The following RAB4A variants were observed in gnomAD, a reference collection of about 807,000 sequenced individuals.
RAB4A encodes the protein RAB4A, member RAS oncogene family.
RAB4A carries 20 observed loss-of-function variants against 34.5 expected under a neutral mutation model. The observed-to-expected ratio is 0.58, with a 90% confidence interval of 0.41 to 0.84. The LOEUF (loss-of-function observed/expected upper bound fraction) is 0.84. Among genes scored for constraint, RAB4A ranks in the 40% least tolerant of loss-of-function variants. The pLI, the probability that RAB4A is intolerant of heterozygous loss-of-function variation, is 0.00. For missense variants in RAB4A, 228 were observed against 274.5 expected, an observed-to-expected ratio of 0.83 and a Z score of 1.20; for synonymous variants, 102 against 100.0, an observed-to-expected ratio of 1.02 and a Z score of -0.12.
intron 1 of RAB4A, among the ~76,000 whole-genome samples, chr1:229,283,187 C>T (rs1656820183): frequency 6.6e-6 from 1 of 152,196 alleles, no homozygotes; most frequent in Non-Finnish European, 1.5e-5. Context: ...CATCTTGTTA[C>T]TGCTGCTGGG....
At chr1:229,293,230 C>T (rs1478653822) in intron 3 of RAB4A, among the ~76,000 whole-genome samples, 1 of 152,182 alleles carries the variant, frequency 6.6e-6, no homozygotes, top group East Asian at 1.9e-4. Context: ...TCTCTGACCC[C>T]CATCCTTTTG....
intron 3 of RAB4A, among the ~76,000 whole-genome samples, chr1:229,292,472 A>G (rs1450508349): frequency 6.6e-6 from 1 of 152,172 alleles, no homozygotes; most frequent in African/African-American, 2.4e-5. Flanking sequence ...GCCTCTTAAT[A>G]GATGTGAACA....
chr1:229,300,006 T>G lies in RAB4A; in HGVS notation c.541+934T>G, dbSNP rs190540710. On this transcript the variant is annotated intron_variant, in intron 6 of 7. Coordinates refer to ENST00000366690, the MANE Select transcript of RAB4A (RefSeq NM_004578.4). ...AAGAGGGAATAGCAGGAGAAAAGGTTGAAGAAAGGCAGGAGCCAGCCAGTC... is the reference window on the plus strand; with the variant it reads ...AAGAGGGAATAGCAGGAGAAAAGGTGGAAGAAAGGCAGGAGCCAGCCAGTC... 5.9e-5 allele frequency among the ~76,000 whole-genome samples: 9 copies of G among 152,188 alleles called. No individual in the cohort carries two copies. The East Asian group carries it at 1.7e-3, about 29-fold the overall frequency.
At chr1:229,283,592 T>C (rs1263685708) in intron 1 of RAB4A, among the ~76,000 whole-genome samples, 7 of 152,164 alleles carry the variant, frequency 4.6e-5, no homozygotes, top group Non-Finnish European at 1.0e-4. Context: ...TGCCAGCTTG[T>C]TCTGCTCCAA....
At chr1:229,298,954 A>G in intron 5 of RAB4A, 23 bp from the exon 6 acceptor site, 1 of 1,552,728 alleles carries the variant, frequency 6.4e-7, no homozygotes, top group Middle Eastern at 1.7e-4. Flanking sequence ...ACATGACTTT[A>G]TTTTGTTTGA....
At position 229,271,303 on chromosome 1, in the gene RAB4A, A is replaced by G; in HGVS notation, c.-37A>G. Reference sequence around the variant, plus strand: ...GCGCCGGCGGACCGCGGGCGAGTGCAGCCGGTGACCCGGCGAGAGGCGGCG... The same window carrying G: ...GCGCCGGCGGACCGCGGGCGAGTGCGGCCGGTGACCCGGCGAGAGGCGGCG... On this transcript the variant is annotated 5_prime_UTR_variant, in exon 1 of 8. Transcript: ENST00000366690. 1 of 1,328,608 alleles carries G rather than the reference A, an allele frequency of 7.5e-7. No individual in the cohort carries two copies. The highest frequency in any genetic ancestry group is 9.6e-7 in the Non-Finnish European group (1 of 1,038,146). The allele number at this position is 1,328,608 out of a possible 1,614,324, so 82.3% of individuals were successfully genotyped here. A position where few individuals can be genotyped will look rare whatever the true frequency, so the allele number is the denominator to read the frequency against.
intron 1 of RAB4A, among the ~76,000 whole-genome samples, chr1:229,274,128 C>G (rs572100712): frequency 6.8e-6 from 1 of 146,894 alleles, no homozygotes; most frequent in East Asian, 2.0e-4. Flanking sequence ...TCACGGCTCA[C>G]TGCCACCTCC....
intron 1 of RAB4A, among the ~76,000 whole-genome samples, chr1:229,281,142 C>T (rs1656767173): frequency 6.6e-6 from 1 of 152,070 alleles, no homozygotes; most frequent in South Asian, 2.1e-4. Context: ...AGATGAATGT[C>T]TAGGAGTGCA....
At position 229,272,964 on chromosome 1, in the gene RAB4A, C is replaced by T. The variant is rs1328831736; in HGVS notation, c.31+1594C>T. ...TTCTGCAAATGGCAGTGGTCTGGTTCTTCCTGTAGAGAACCACAGTCAGAA... is the reference window on the plus strand; with the variant it reads ...TTCTGCAAATGGCAGTGGTCTGGTTTTTCCTGTAGAGAACCACAGTCAGAA... On this transcript the variant is annotated intron_variant, in intron 1 of 7. Coordinates refer to ENST00000366690, the MANE Select transcript of RAB4A (RefSeq NM_004578.4). Among the ~76,000 whole-genome samples the T allele has an allele frequency of 2.6e-5, 4 of 152,248 alleles. No individual in the cohort carries two copies. The East Asian group carries it at 7.7e-4, about 29-fold the overall frequency.
intron 2 of RAB4A, among the ~76,000 whole-genome samples, chr1:229,288,347 C>A (rs1558237574): frequency 6.6e-6 from 1 of 152,198 alleles, no homozygotes; most frequent in Non-Finnish European, 1.5e-5. Context: ...TCATTACTTA[C>A]TGAGTTCCAC....
chr1:229,304,171 T>C lies in RAB4A; in HGVS notation c.*378T>C, dbSNP rs1657488756. ...TCAGATTTTATTTTTTTTAATCATA[T>C]GAACTAAAATTGTCAATTGTGAGGT... On this transcript the variant is annotated 3_prime_UTR_variant, in exon 8 of 8. Transcript: ENST00000366690. 1 of 152,196 alleles carries C rather than the reference T, an allele frequency of 6.6e-6. No homozygotes were observed. The highest frequency in any genetic ancestry group is 2.4e-5 in the African/African-American group (1 of 41,428). 9.4% of individuals were successfully genotyped at this position (152,196 alleles called of 1,614,324 possible). A position where few individuals can be genotyped will look rare whatever the true frequency, so the allele number is the denominator to read the frequency against.
At chr1:229,294,161 A>G (rs1657174145) in intron 3 of RAB4A, among the ~76,000 whole-genome samples, 1 of 152,196 alleles carries the variant, frequency 6.6e-6, no homozygotes, top group East Asian at 1.9e-4. Flanking sequence ...GTGGGACCAA[A>G]AAGAGTCCTG....
At chr1:229,298,023 A>C (rs1657291542) in intron 5 of RAB4A, among the ~76,000 whole-genome samples, 1 of 152,232 alleles carries the variant, frequency 6.6e-6, no homozygotes, top group Non-Finnish European at 1.5e-5. Context: ...AGGGAAGCGG[A>C]AGAAGAAATA....
At chr1:229,283,584 C>T (rs1351178465) in intron 1 of RAB4A, among the ~76,000 whole-genome samples, 7 of 152,118 alleles carry the variant, frequency 4.6e-5, no homozygotes, top group Admixed American at 3.9e-4. Flanking sequence ...TTCTGGGTTG[C>T]CAGCTTGTTC....
chr1:229,292,235 A>AG (rs72293562), intron 3 of RAB4A, among the ~76,000 whole-genome samples: 1 of 151,378 alleles, frequency 6.6e-6, no homozygotes, highest in Non-Finnish European at 1.5e-5. Flanking sequence ...AATAAATAAA[A>AG]GGAAAAAAAA....
At chr1:229,284,206 T>G (rs2102840981) in intron 1 of RAB4A, among the ~76,000 whole-genome samples, 1 of 148,424 alleles carries the variant, frequency 6.7e-6, no homozygotes, top group Non-Finnish European at 1.5e-5. Context: ...TTCCAGCAAT[T>G]CTCCTGCCTC....
At chr1:229,287,318 A>T (rs932725323) in intron 2 of RAB4A, among the ~76,000 whole-genome samples, 3 of 152,214 alleles carry the variant, frequency 2.0e-5, no homozygotes, top group Admixed American at 6.5e-5. Context: ...TTGAAGAATA[A>T]TAAAATCCTA....
chr1:229,286,672 G>A, intron 2 of RAB4A, 106 bp downstream of exon 2: 2 of 667,562 alleles, frequency 3.0e-6, no homozygotes, highest in Non-Finnish European at 5.0e-6. Flanking sequence ...AAAAGTAATA[G>A]TTTGAAAGTA....
At chr1:229,292,057 G>A (rs981775996) in intron 3 of RAB4A, among the ~76,000 whole-genome samples, 7 of 125,748 alleles carry the variant, frequency 5.6e-5, no homozygotes, top group African/African-American at 2.1e-4. Context: ...TCACACTCTG[G>A]GGACTGTTGT....
Sources: gnomAD v4.1 joint callset for allele counts (sites outside exome capture counted in the v4.1 genomes callset) on GRCh38, gnomAD v4.1.1 for gene constraint, MANE v1.5 for transcripts, NCBI Gene and HGNC (gene_info 2026-07-23, HGNC 2026-07-21) for gene names.